The following TLR5 variants were observed in gnomAD, a reference collection of about 807,000 sequenced individuals.
TLR5 encodes the protein toll like receptor 5, also known as toll-like receptor 5.
For synonymous variants in TLR5, 373 were observed against 384.4 expected (o/e 0.97, Z 0.35); for missense variants, 944 against 999.8 (o/e 0.94, Z 0.75).
intron 5 of TLR5, among the ~76,000 whole-genome samples, chr1:223,114,263 AGTAT>A (rs1256656865): frequency 6.6e-6 from 1 of 152,068 alleles, no homozygotes; most frequent in Non-Finnish European, 1.5e-5. Context: ...TTATGTTCCA[AGTAT>A]TGTGCTGGGT....
chr1:223,122,935 T>A (rs1657009651), intron 5 of TLR5, among the ~76,000 whole-genome samples: 1 of 152,214 alleles, frequency 6.6e-6, no homozygotes, highest in African/African-American at 2.4e-5. Context: ...AAACATTTTC[T>A]CTAAAGGGCC....
intron 1 of TLR5, 59 bp from the exon 2 acceptor site, chr1:223,141,822 T>TATATAGAG (rs1398290863): frequency 1.4e-4 from 6 of 42,978 alleles, no homozygotes; most frequent in Admixed American, 3.1e-4. Flanking sequence ...TATATATATA[T>TATATAGAG]AGAGAGAGAG....
At chr1:223,143,032 G>A (rs908731368) in intron 1 of TLR5, among the ~76,000 whole-genome samples, 164 bp downstream of exon 1, 2 of 152,060 alleles carry the variant, frequency 1.3e-5, no homozygotes, top group Non-Finnish European at 2.9e-5. Context: ...AGAGAGCGCC[G>A]CCTAGTGAGG....
chr1:223,118,258 C>A (rs1402889188), intron 5 of TLR5, among the ~76,000 whole-genome samples: 1 of 152,074 alleles, frequency 6.6e-6, no homozygotes, highest in African/African-American at 2.4e-5. Flanking sequence ...AAAGAGTTAT[C>A]AATAGAGGCC....
chr1:223,112,004 A>T lies in TLR5; in HGVS notation c.1028T>A (p.Leu343Ter), dbSNP rs1365323606. 6.2e-7 allele frequency: 1 copy of T among 1,614,228 alleles called. No homozygotes were observed. Among genetic ancestry groups the T allele is most frequent in the Admixed American group, 1.7e-5 (1 of 60,032 alleles). The change falls in exon 6 of 6, where the codon TTG becomes TAG. Residue 343 changes from leucine to a stop codon, truncating the protein, a stop_gained. Transcript: ENST00000642603. LOFTEE classifies it low-confidence loss of function (END_TRUNC). ...AAGTTCCCCCAGAAGGTTATATGAC[A>T]AATTGAGAACTTGGAGGTTGTCAAG... The part of the protein sequence containing the change: ...YGLDNLQVLN[L>*]SYNLLGELYS...
Position 223,142,257 on chromosome 1 carries a change from G to A in TLR5, c.-554-494C>T, listed in dbSNP as rs561950790. 2.6e-5 allele frequency among the ~76,000 whole-genome samples: 4 copies of A among 152,326 alleles called. No individual in the cohort carries two copies. The East Asian group carries it at 7.7e-4, about 29-fold the overall frequency. Reference sequence around the variant, plus strand: ...TGCCTCTTCCAGGCACTGAGCAAGAGGGCGGCATTACAGATGCACTTGCCG... The same window carrying A: ...TGCCTCTTCCAGGCACTGAGCAAGAAGGCGGCATTACAGATGCACTTGCCG... On this transcript the variant is annotated intron_variant, in intron 1 of 5. Transcript: ENST00000642603.
chr1:223,121,016 G>C (rs972832128), intron 5 of TLR5, among the ~76,000 whole-genome samples: 1 of 152,196 alleles, frequency 6.6e-6, no homozygotes, highest in African/African-American at 2.4e-5. Flanking sequence ...CTGGGAGTTT[G>C]AGGCTGCAGT....
Position 223,111,998 on chromosome 1 carries a change from T to C in TLR5, c.1034A>G (p.Tyr345Cys), listed in dbSNP as rs1299231308. 1.9e-6 allele frequency: 3 copies of C among 1,614,234 alleles called. No homozygotes were observed. Among genetic ancestry groups the C allele is most frequent in the Non-Finnish European group, 2.5e-6 (3 of 1,180,036 alleles). The change falls in exon 6 of 6, where the codon TAT becomes TGT. Residue 345 changes from tyrosine to cysteine, a missense_variant. Physicochemically the swap from Tyr to Cys is radical, Grantham distance 194. Transcript: ENST00000642603. The stretch of plus-strand genomic sequence containing the variant: ...ACTGTAAAGTTCCCCCAGAAGGTTA[T>C]ATGACAAATTGAGAACTTGGAGGTT... ...LDNLQVLNLS[Y>C]NLLGELYSSN... is the part of the protein sequence containing the mutation.
At position 223,134,852 on chromosome 1, in the gene TLR5, CAGTA is replaced by C. The variant is rs1657544305; in HGVS notation, c.-344_-341del. 6.6e-6 allele frequency: 1 copy of C among 151,348 alleles called. No homozygotes were observed. Among genetic ancestry groups the C allele is most frequent in the African/African-American group, 2.4e-5 (1 of 41,064 alleles). The allele number at this position is 151,348 out of a possible 1,614,324, so 9.4% of individuals were successfully genotyped here. On this transcript the variant is annotated 5_prime_UTR_variant, in exon 4 of 6. The change creates a premature stop within an existing upstream ORF in the 5' untranslated region. Transcript: ENST00000642603. ...TGGAGCAGATGAGAGTAGGGAAGTC[CAGTA>C]TAGCATCCCTGAAAGTAATGACACA...
chr1:223,116,952 C>A (rs1288729080), intron 5 of TLR5, among the ~76,000 whole-genome samples: 1 of 152,212 alleles, frequency 6.6e-6, no homozygotes, highest in African/African-American at 2.4e-5. Flanking sequence ...CAGTCCCACC[C>A]CATGCGCCTG....
rs1423052085 is a variant in TLR5, at chr1:223,138,901, A to T, written c.-438-1638T>A. 2.0e-5 allele frequency among the ~76,000 whole-genome samples: 3 copies of T among 152,202 alleles called. No homozygotes were observed. The East Asian group carries it at 5.8e-4, about 29-fold the overall frequency. ...GAGGAACCCAGTGGGAGGTAACTGA[A>T]TCCTGGGGGCAGGTCTTCTGCGTGC... is the stretch of plus-strand genomic sequence containing the variant. On this transcript the variant is annotated intron_variant, in intron 2 of 5. Transcript: ENST00000642603.
chr1:223,117,122 C>T (rs538122115), intron 5 of TLR5, among the ~76,000 whole-genome samples: 2 of 152,140 alleles, frequency 1.3e-5, no homozygotes, highest in Non-Finnish European at 2.9e-5. Context: ...GGCTGAGGCC[C>T]GTCGAGAATT....
chr1:223,113,802 C>T (rs1656492836), intron 5 of TLR5, among the ~76,000 whole-genome samples: 1 of 152,054 alleles, frequency 6.6e-6, no homozygotes, highest in Non-Finnish European at 1.5e-5. Context: ...TTCATTCATT[C>T]GTTTGTTTAT....
chr1:223,122,352 T>C (rs748562753), intron 5 of TLR5, among the ~76,000 whole-genome samples: 12 of 152,032 alleles, frequency 7.9e-5, no homozygotes, highest in Non-Finnish European at 1.3e-4. Context: ...TGGCGTGCAA[T>C]TGGAAGGCTG....
At position 223,110,815 on chromosome 1, in the gene TLR5, G is replaced by A. The variant is rs1656281264; in HGVS notation, c.2217C>T (p.Asn739=). ...FEERDFVPGE[N]RIANIQDAIW... is the part of the protein sequence containing the mutation. ...TGGCATCCTGGATATTGGCAATGCG[G>A]TTTTCTCCTGGGACAAAGTCTCTTT... The change falls in exon 6 of 6, where the codon AAC becomes AAT. Residue 739 remains asparagine (N), a synonymous_variant. Coordinates refer to ENST00000642603, the MANE Select transcript of TLR5 (RefSeq NM_003268.6). 6.2e-7 allele frequency: 1 copy of A among 1,614,132 alleles called. No individual in the cohort carries two copies. The highest frequency in any genetic ancestry group is 1.7e-5 in the Admixed American group (1 of 59,996).
intron 2 of TLR5, among the ~76,000 whole-genome samples, chr1:223,139,581 G>A (rs778403856): frequency 2.6e-4 from 39 of 152,314 alleles, no homozygotes; most frequent in Admixed American, 6.5e-4. Context: ...CATGGACAAA[G>A]GAGAAGAGAG....
At chr1:223,118,140 C>G (rs1322378299) in intron 5 of TLR5, among the ~76,000 whole-genome samples, 1 of 152,178 alleles carries the variant, frequency 6.6e-6, no homozygotes, top group Non-Finnish European at 1.5e-5. Flanking sequence ...CAGTCAGATA[C>G]ATTTAAGATA....
intron 1 of TLR5, among the ~76,000 whole-genome samples, chr1:223,142,281 C>G (rs934360696): frequency 6.6e-6 from 1 of 152,154 alleles, no homozygotes; most frequent in African/African-American, 2.4e-5. Flanking sequence ...ATGCACTTGC[C>G]GTCCAAACAG....
chr1:223,112,605 T>G lies in TLR5; in HGVS notation c.427A>C (p.Asn143His). ...TCCAAGCGAGTTAAAGCCTTTAAAT[T>G]TCTGAAATAACCATCTTTCAATACA... ...DAVLKDGYFRNLKALTRLDLS... is the reference protein window; with the variant it reads ...DAVLKDGYFRHLKALTRLDLS... The change falls in exon 6 of 6, where the codon AAT (asparagine) becomes CAT (histidine). Residue 143 changes from asparagine to histidine, a missense_variant. Transcript: ENST00000642603. The G allele has an allele frequency of 6.2e-7, 1 of 1,614,246 alleles. No individual in the cohort carries two copies. Among genetic ancestry groups the G allele is most frequent in the Non-Finnish European group, 8.5e-7 (1 of 1,180,052 alleles).
Sources: allele counts gnomAD v4.1 joint callset (sites outside exome capture counted in the v4.1 genomes callset), GRCh38; gene constraint gnomAD v4.1.1; transcripts MANE v1.5; gene names NCBI Gene and HGNC (gene_info 2026-07-23, HGNC 2026-07-21).